Variants in HMCN2 observed in about 807,000 individuals in gnomAD.
HMCN2 encodes the protein hemicentin-2.
Under a neutral mutation model 377.5 loss-of-function variants are expected in HMCN2, and 325 were observed. The ratio of observed to expected loss-of-function variants is 0.86; its 90% CI spans 0.79 to 0.94. The LOEUF (loss-of-function observed/expected upper bound fraction) is 0.94, where lower values mean the gene tolerates loss of function less well. HMCN2 is among the 40% of genes least tolerant of loss of function. HMCN2 has a pLI of 0.00. For synonymous variants in HMCN2, 2,007 were observed against 2,046.8 expected (o/e 0.98, Z 0.53); for missense variants, 4,543 against 4,725.3 (o/e 0.96, Z 1.13).
chr9:130,427,631 G>T lies in HMCN2; in HGVS notation c.14065+12G>T, dbSNP rs1452606828. The T allele has an allele frequency of 7.8e-6, 12 of 1,547,376 alleles. No homozygotes were observed. The highest frequency in any genetic ancestry group is 1.8e-4 in the Middle Eastern group (1 of 5,542). The stretch of plus-strand genomic sequence containing the variant: ...CAGGAACTGCAGAGGTGAGGGAGCT[G>T]CCGGGAGGAGGGAGGAGACGCGCTC... On this transcript the variant is annotated intron_variant, in intron 92 of 97. Coordinates refer to ENST00000683500, the MANE Select transcript of HMCN2 (RefSeq NM_001291815.2).
intron 85 of HMCN2, among the ~76,000 whole-genome samples, chr9:130,416,042 GC>G (rs1843667770): frequency 6.6e-6 from 1 of 151,600 alleles, no homozygotes; most frequent in Admixed American, 6.6e-5. Flanking sequence ...GATGGGCACA[GC>G]CCCAGGCAGG....
At chr9:130,321,978 G>C (rs1246887940) in intron 19 of HMCN2, 47 bp downstream of exon 19, 4 of 152,292 alleles carry the variant, frequency 2.6e-5, no homozygotes, top group African/African-American at 7.2e-5. Context: ...CAGGGAACAT[G>C]ATGGGGTGGG....
At position 130,267,019 on chromosome 9, in the gene HMCN2, C is replaced by G. The variant is rs185459466; in HGVS notation, c.259+882C>G. Among the ~76,000 whole-genome samples the G allele has an allele frequency of 2.0e-5, 3 of 152,130 alleles. No homozygotes were observed. In the East Asian group the frequency reaches 5.8e-4, roughly 29 times the overall value. On this transcript the variant is annotated intron_variant, in intron 1 of 97. Transcript: ENST00000683500. ...GGAGTGCAGTGGCGTGATCACAGCT[C>G]GCTGCAGCCTCGAACTCCTGGGCTC...
chr9:130,360,449 A>G lies in HMCN2; in HGVS notation c.5795A>G (p.His1932Arg), dbSNP rs892103352. 8.5e-6 allele frequency: 11 copies of G among 1,300,110 alleles called. No homozygotes were observed. In the Admixed American group the frequency reaches 1.6e-4, roughly 19 times the overall value. The allele number at this position is 1,300,110 out of a possible 1,614,324, so 80.5% of individuals were successfully genotyped here. The change falls in exon 38 of 98, where the codon CAC becomes CGC. Residue 1932 changes from histidine to arginine, a missense_variant. His to Arg is a conservative substitution (Grantham distance 29, BLOSUM62 0). Transcript: ENST00000683500. The surrounding 1 kb of genome is among the most constrained non-coding windows in gnomAD (Gnocchi z 4.7). Reference protein sequence around the residue: ...PPPDVSWFKGHQPVSSWMGVT... With the variant: ...PPPDVSWFKGRQPVSSWMGVT... ...CCAGATGTCTCCTGGTTCAAGGGCC[A>G]CCAACCTGTCTCTTCATGGATGGGA...
chr9:130,298,273 A>G (rs782808803), intron 7 of HMCN2, among the ~76,000 whole-genome samples: 2 of 152,102 alleles, frequency 1.3e-5, no homozygotes, highest in Non-Finnish European at 2.9e-5. Context: ...TTTTTTAAAG[A>G]GAAACATTTG....
At chr9:130,429,905 C>A in intron 94 of HMCN2, 2 of 869,770 alleles carry the variant, frequency 2.3e-6, no homozygotes, top group Non-Finnish European at 3.3e-6. Context: ...GCCTGTGCAC[C>A]AAAACCTCAG....
intron 32 of HMCN2, 31 bp from the exon 33 acceptor site, chr9:130,355,715 C>T (rs1282466332): frequency 3.3e-5 from 42 of 1,262,126 alleles, no homozygotes; most frequent in Non-Finnish European, 4.3e-5. Flanking sequence ...CTGCTCAGCT[C>T]CAAACACCCA....
At chr9:130,348,408 T>C in intron 26 of HMCN2, 137 bp from the exon 27 acceptor site, 1 of 1,209,404 alleles carries the variant, frequency 8.3e-7, no homozygotes, top group South Asian at 1.4e-5. Context: ...CAGGACCCTT[T>C]GTGGCTGGGC....
chr9:130,345,603 G>A (rs1839350915), intron 25 of HMCN2, among the ~76,000 whole-genome samples: 2 of 146,758 alleles, frequency 1.4e-5, no homozygotes, highest in South Asian at 4.4e-4. Flanking sequence ...TTTCGTGTGT[G>A]TAGTGTGGTG....
intron 96 of HMCN2, among the ~76,000 whole-genome samples, chr9:130,431,738 A>G (rs1844770754): frequency 6.6e-6 from 1 of 152,188 alleles, no homozygotes; most frequent in Non-Finnish European, 1.5e-5. Flanking sequence ...TGCAAGGCCA[A>G]TCCTAGCACT....
intron 13 of HMCN2, 117 bp from the exon 14 acceptor site, chr9:130,307,336 A>G (rs1284579570): frequency 2.3e-6 from 1 of 443,360 alleles, no homozygotes; most frequent in Non-Finnish European, 4.7e-6. Context: ...CTCCAGGGGC[A>G]GCAAGGAGGC....
rs374453565 is a variant in HMCN2, at chr9:130,428,510, G to A, written c.14197+21G>A. The A allele has an allele frequency of 5.8e-4, 885 of 1,537,042 alleles. 11 individuals carry two copies. The South Asian group carries it at 9.5e-3, about 16-fold the overall frequency. ...TGAAGGTGATGGGGGCACAGCATGC[G>A]GCCTGTCCATACTCCTGGAAACCCA... On this transcript the variant is annotated intron_variant, in intron 93 of 97. Coordinates refer to ENST00000683500, the MANE Select transcript of HMCN2 (RefSeq NM_001291815.2). This position sits in a 1 kb window ranked among gnomAD's most constrained non-coding sequence, Gnocchi z 5.0.
Position 130,408,629 on chromosome 9 carries a change from GA to G in HMCN2, c.12689-112del, listed in dbSNP as rs529235057. ...TAAACACAACCATGCTGTGCTAGCA[GA>G]AGCCTCTGGAGGCCCCTGGAGGCAG... On this transcript the variant is annotated intron_variant, in intron 83 of 97. Coordinates refer to ENST00000683500, the MANE Select transcript of HMCN2 (RefSeq NM_001291815.2). 576 of 569,048 alleles carry G rather than the reference GA, an allele frequency of 1.0e-3. 3 individuals are homozygous for G. The African/African-American group carries it at 0.011, about 11-fold the overall frequency. 35.2% of individuals were successfully genotyped at this position (569,048 alleles called of 1,614,324 possible).
chr9:130,396,052 C>G lies in HMCN2; in HGVS notation c.11040C>G (p.Arg3680=). The change falls in exon 72 of 98, where the codon CGC becomes CGG. Residue 3680 remains arginine, a synonymous_variant. Coordinates refer to ENST00000683500, the MANE Select transcript of HMCN2 (RefSeq NM_001291815.2). ...CAGGCAGCACTAGTGTCGCCTTCCG[C>G]GTGGAGATCCACAGTGAGTAGGGCC... ...NAAGSTSVAF[R]VEIHTVPTIR... is the part of the protein sequence containing the mutation. The G allele has an allele frequency of 7.8e-7, 1 of 1,284,222 alleles. No homozygotes were observed. The allele number at this position is 1,284,222 out of a possible 1,614,324, so 79.6% of individuals were successfully genotyped here.
chr9:130,411,944 A>G (rs559413247), intron 85 of HMCN2, among the ~76,000 whole-genome samples: 2 of 102,120 alleles, frequency 2.0e-5, no homozygotes, highest in East Asian at 5.9e-4. Flanking sequence ...GATAAATTTT[A>G]TGTAATGTAT....
At chr9:130,301,906 GAGACTGTGTCACTCCA>G (rs1204161650) in intron 8 of HMCN2, among the ~76,000 whole-genome samples, 1 of 152,272 alleles carries the variant, frequency 6.6e-6, no homozygotes, top group Non-Finnish European at 1.5e-5. Flanking sequence ...GCCAAGGGAA[GAGACTGTGTCACTCCA>G]AGACCAGGCT....
intron 27 of HMCN2, 35 bp from the exon 28 acceptor site, chr9:130,348,949 C>G: frequency 7.7e-7 from 1 of 1,295,982 alleles, no homozygotes; most frequent in Non-Finnish European, 1.0e-6. Context: ...GGCTGGATCC[C>G]CTCTTACTGG....
chr9:130,284,557 T>C (rs1169165307), intron 1 of HMCN2, 46 bp from the exon 2 acceptor site: 3 of 470,700 alleles, frequency 6.4e-6, no homozygotes, highest in Non-Finnish European at 1.3e-5. Flanking sequence ...GGGCTGTGTG[T>C]CTAGGAGTCC....
chr9:130,370,835 C>G (rs1276989087), intron 45 of HMCN2, 129 bp from the exon 46 acceptor site: 1 of 458,174 alleles, frequency 2.2e-6, no homozygotes. Context: ...CAGCTCTGCT[C>G]TCGTCACTTC....
Sources: gnomAD v4.1 joint callset for allele counts (sites outside exome capture counted in the v4.1 genomes callset) on GRCh38, gnomAD v4.1.1 for gene constraint, Gnocchi (gnomAD v3.1) non-coding constraint, MANE v1.5 for transcripts, NCBI Gene and HGNC (gene_info 2026-07-23, HGNC 2026-07-21) for gene names.